ELP4: variants seen among roughly 807,000 people sequenced by gnomAD.
ELP4 encodes elongator complex protein 4.
ELP4 carries 51 observed loss-of-function variants against 48.9 expected under a neutral mutation model. The observed-to-expected ratio is 1.04, with a 90% CI of 0.83 to 1.32. ELP4 has a LOEUF of 1.32. Among genes scored for constraint, ELP4 ranks in the 40% most tolerant of loss-of-function variants. The probability of loss-of-function intolerance (pLI) is 0.00; values close to 1 mark genes in which losing one functional copy is unlikely to be tolerated. For missense variants in ELP4, 519 were observed against 514.6 expected, an observed-to-expected ratio of 1.01 and a Z score of -0.08; for synonymous variants, 210 against 189.2, an observed-to-expected ratio of 1.11 and a Z score of -0.90.
At chr11:31,522,406 A>G (rs987303757) in intron 2 of ELP4, among the ~76,000 whole-genome samples, 16 of 152,270 alleles carry the variant, frequency 1.1e-4, no homozygotes, top group Non-Finnish European at 2.1e-4. Flanking sequence ...ACATGGGAAC[A>G]TTTCACACCT....
intron 9 of ELP4, chr11:31,763,468 T>C (rs918403556): frequency 1.2e-6 from 2 of 1,611,084 alleles, no homozygotes; most frequent in Admixed American, 3.3e-5. Flanking sequence ...AGGCTTCTCA[T>C]ACTTACTCAA....
chr11:31,560,850 TTTGCTATA>T (rs1169838600), intron 3 of ELP4, among the ~76,000 whole-genome samples: 1 of 151,428 alleles, frequency 6.6e-6, no homozygotes, highest in African/African-American at 2.4e-5. Flanking sequence ...TTATGGTACC[TTTGCTATA>T]TTTAGATACC....
In ELP4 at chr11:31,699,006, A is replaced by T. The variant is rs1202788283; in HGVS notation, c.1143+48785A>T. Among the ~76,000 whole-genome samples the T allele has an allele frequency of 4.6e-5, 7 of 152,306 alleles. No individual in the cohort carries two copies. In the East Asian group the frequency reaches 1.3e-3, roughly 29 times the overall value. ...ATGGTCATGATTATACACCATGCAC[A>T]CTCAAGCACACACAACAATATACAT... On this transcript the variant is annotated intron_variant, in intron 9 of 9. Coordinates refer to ENST00000640961, the MANE Select transcript of ELP4 (RefSeq NM_019040.5).
chr11:31,706,103 GT>G (rs1946625794), intron 9 of ELP4, among the ~76,000 whole-genome samples: 1 of 151,922 alleles, frequency 6.6e-6, no homozygotes, highest in African/African-American at 2.4e-5. Context: ...ATTTTTGTAT[GT>G]TGTATTTTTT....
intron 5 of ELP4, among the ~76,000 whole-genome samples, chr11:31,620,846 G>A (rs529167911): frequency 6.6e-6 from 1 of 152,032 alleles, no homozygotes; most frequent in African/African-American, 2.4e-5. Context: ...CTGTGGCTCA[G>A]AGGTTTCTGC....
chr11:31,532,594 A>AGTATT (rs1448626889), intron 2 of ELP4, among the ~76,000 whole-genome samples: 1 of 152,078 alleles, frequency 6.6e-6, no homozygotes, highest in African/African-American at 2.4e-5. Context: ...CTCTTAGTTG[A>AGTATT]GTATTGTAAT....
chr11:31,665,459 C>G (rs186840226), intron 9 of ELP4, among the ~76,000 whole-genome samples: 4 of 152,090 alleles, frequency 2.6e-5, no homozygotes, highest in Admixed American at 2.6e-4. Context: ...ACAAGTACTT[C>G]CTATAGGTTA....
chr11:31,714,579 A>C (rs1164067093), intron 9 of ELP4: 1 of 398,192 alleles, frequency 2.5e-6, no homozygotes, highest in Non-Finnish European at 4.4e-6. Flanking sequence ...AAAAATTGCT[A>C]TAATTTTAGT....
intron 9 of ELP4, among the ~76,000 whole-genome samples, chr11:31,671,855 C>A (rs1945814853): frequency 1.3e-5 from 2 of 152,148 alleles, no homozygotes; most frequent in South Asian, 4.1e-4. Context: ...CTGCTGCATA[C>A]AGAATTCTGT....
intron 9 of ELP4, among the ~76,000 whole-genome samples, chr11:31,676,155 C>T (rs1007648345): frequency 1.3e-5 from 2 of 151,938 alleles, no homozygotes; most frequent in African/African-American, 4.8e-5. Context: ...CCACACTGGC[C>T]TCCTTGCTTG....
At chr11:31,534,440 A>G (rs1240572275) in intron 2 of ELP4, among the ~76,000 whole-genome samples, 3 of 152,152 alleles carry the variant, frequency 2.0e-5, no homozygotes, top group Non-Finnish European at 2.9e-5. Context: ...ATTCTTCTAT[A>G]TTTAGTACCA....
At chr11:31,730,172 G>A (rs1173239124) in intron 9 of ELP4, among the ~76,000 whole-genome samples, 2 of 152,140 alleles carry the variant, frequency 1.3e-5, no homozygotes, top group Non-Finnish European at 2.9e-5. Flanking sequence ...ATCAGGAGGT[G>A]TTTTAGTCCA....
intron 9 of ELP4, chr11:31,689,052 T>C (rs1168762155): frequency 6.6e-6 from 1 of 152,196 alleles, no homozygotes; most frequent in African/African-American, 2.4e-5. Context: ...TTTAATTCTT[T>C]GAGAAGCTTT....
chr11:31,734,117 C>T (rs763441613), intron 9 of ELP4, among the ~76,000 whole-genome samples: 1 of 152,164 alleles, frequency 6.6e-6, no homozygotes, highest in Admixed American at 6.5e-5. Flanking sequence ...GATGAAAAAG[C>T]ACATGATCAT....
intron 3 of ELP4, among the ~76,000 whole-genome samples, chr11:31,588,028 G>A (rs1957507064): frequency 6.6e-6 from 1 of 151,608 alleles, no homozygotes; most frequent in Non-Finnish European, 1.5e-5. Context: ...TTTCCAAACT[G>A]TTTATATACT....
chr11:31,563,024 C>T (rs1276621428), intron 3 of ELP4, among the ~76,000 whole-genome samples: 1 of 151,972 alleles, frequency 6.6e-6, no homozygotes, highest in African/African-American at 2.4e-5. Context: ...TGTTTTCCAA[C>T]TTTCAGAAAA....
At chr11:31,625,286 C>T (rs536285078) in intron 5 of ELP4, among the ~76,000 whole-genome samples, 6 of 151,740 alleles carry the variant, frequency 4.0e-5, no homozygotes, top group African/African-American at 9.6e-5. Flanking sequence ...TTGACCAAAA[C>T]GTCCCTATGC....
chr11:31,556,132 A>G (rs1373496098), intron 3 of ELP4, among the ~76,000 whole-genome samples: 1 of 151,946 alleles, frequency 6.6e-6, no homozygotes, highest in East Asian at 1.9e-4. Context: ...CAATTTATCC[A>G]TCATCCTTTG....
chr11:31,647,764 C>A lies in ELP4; in HGVS notation c.951C>A (p.Val317=). The change falls in exon 8 of 10, where the codon GTC becomes GTA. Residue 317 remains valine (V), a synonymous_variant. Coordinates refer to ENST00000640961, the MANE Select transcript of ELP4 (RefSeq NM_019040.5). ...LIQNKAIIAR[V]TTLSDVVVGL... ...AGAATAAAGCCATTATTGCCCGTGT[C>A]ACAACCTTGTCAGATGTAGTAGTTG... 1 of 1,608,822 alleles carries A rather than the reference C, an allele frequency of 6.2e-7. No homozygotes were observed. The highest frequency in any genetic ancestry group is 1.1e-5 in the South Asian group (1 of 90,922).
Sources: allele counts gnomAD v4.1 joint callset (sites outside exome capture counted in the v4.1 genomes callset), GRCh38; gene constraint gnomAD v4.1.1; transcripts MANE v1.5; gene names NCBI Gene and HGNC (gene_info 2026-07-23, HGNC 2026-07-21).